Variants in FOXJ2 observed in about 807,000 individuals in gnomAD.
FOXJ2 encodes the protein forkhead box J2.
A neutral mutation model predicts 68.4 loss-of-function variants in FOXJ2; 18 were observed. That is an observed-to-expected ratio of 0.26 (90% CI 0.18 to 0.39). The LOEUF (loss-of-function observed/expected upper bound fraction) is 0.39. FOXJ2 is among the 10% of genes least tolerant of loss of function. The pLI, the probability that FOXJ2 is intolerant of heterozygous loss-of-function variation, is 1.00. For synonymous variants in FOXJ2, 274 were observed against 263.2 expected (o/e 1.04, Z -0.40); for missense variants, 670 against 726.5 (o/e 0.92, Z 0.89).
At chr12:8,052,421 T>C (rs928859455) in intron 10 of FOXJ2, among the ~76,000 whole-genome samples, 1 of 152,294 alleles carries the variant, frequency 6.6e-6, no homozygotes, top group East Asian at 1.9e-4. Flanking sequence ...GGTTTCTCCA[T>C]GTTGGCCAGG....
Position 8,035,603 on chromosome 12 carries a change from G to T in FOXJ2, c.-15+1770G>T, listed in dbSNP as rs563766679. 6.6e-6 allele frequency among the ~76,000 whole-genome samples: 1 copy of T among 152,128 alleles called. No individual in the cohort carries two copies. Among genetic ancestry groups the T allele is most frequent in the Admixed American group, 6.5e-5 (1 of 15,278 alleles). Reference sequence around the variant, plus strand: ...ATAAAGTACTTCACCAGATGCTGGCGTGCACCTGCCTGAATGGCTCAGGGT... The same window carrying T: ...ATAAAGTACTTCACCAGATGCTGGCTTGCACCTGCCTGAATGGCTCAGGGT... On this transcript the variant is annotated intron_variant, in intron 1 of 10. Transcript: ENST00000162391. This position sits in a 1 kb window ranked among gnomAD's most constrained non-coding sequence, Gnocchi z 4.0.
At chr12:8,049,022 G>A (rs1018187300) in intron 8 of FOXJ2, among the ~76,000 whole-genome samples, 3 of 152,158 alleles carry the variant, frequency 2.0e-5, no homozygotes, top group African/African-American at 7.2e-5. Flanking sequence ...AGTCCATTCT[G>A]TCTTTGGGAG....
rs1284522369 is a variant in FOXJ2, at chr12:8,035,952, G to T, written c.-15+2119G>T. Among the ~76,000 whole-genome samples the T allele has an allele frequency of 1.3e-5, 2 of 152,182 alleles. No individual in the cohort carries two copies. Among genetic ancestry groups the T allele is most frequent in the Admixed American group, 1.3e-4 (2 of 15,274 alleles). ...TGACATCCTGAAAACCATTGCAGAT[G>T]CAGTGCAGGCTTTGTAATGCAAACC... On this transcript the variant is annotated intron_variant, in intron 1 of 10. Transcript: ENST00000162391. The surrounding 1 kb of genome is among the most constrained non-coding windows in gnomAD (Gnocchi z 4.0).
intron 9 of FOXJ2, chr12:8,050,114 G>T: frequency 5.3e-6 from 1 of 187,050 alleles, no homozygotes; most frequent in South Asian, 1.3e-4. Context: ...GGGACTACAG[G>T]TGTGTACCAC....
chr12:8,051,802 C>G lies in FOXJ2; in HGVS notation c.1637-960C>G, dbSNP rs78989833. On this transcript the variant is annotated intron_variant, in intron 10 of 10. Coordinates refer to ENST00000162391, the MANE Select transcript of FOXJ2 (RefSeq NM_018416.3). ...TTTTGGGGGTGACATCTGACTCTCTCTATTCTTTGTCCATATAATATAAAT... is the reference window on the plus strand; with the variant it reads ...TTTTGGGGGTGACATCTGACTCTCTGTATTCTTTGTCCATATAATATAAAT... Among the ~76,000 whole-genome samples the G allele has an allele frequency of 6.3e-3, 953 of 152,276 alleles. 12 individuals are homozygous for G. Among genetic ancestry groups the G allele is most frequent in the African/African-American group, 0.021 (876 of 41,574 alleles).
intron 6 of FOXJ2, among the ~76,000 whole-genome samples, chr12:8,045,618 C>T (rs1947026730): frequency 6.6e-6 from 1 of 152,122 alleles, no homozygotes; most frequent in African/African-American, 2.4e-5. Context: ...TTCCAAAGTG[C>T]TGGGATTACA....
intron 6 of FOXJ2, among the ~76,000 whole-genome samples, chr12:8,047,492 A>G (rs1165897228): frequency 6.6e-6 from 1 of 151,862 alleles, no homozygotes; most frequent in Non-Finnish European, 1.5e-5. Context: ...TAGACAACTG[A>G]TGGCTTTGTT....
chr12:8,036,545 G>A (rs958384277), intron 1 of FOXJ2, among the ~76,000 whole-genome samples: 1 of 146,342 alleles, frequency 6.8e-6, no homozygotes, highest in East Asian at 1.9e-4. Flanking sequence ...TTCTGCCCAA[G>A]CCCCGTGGCA....
chr12:8,051,090 C>G (rs1947118766), intron 10 of FOXJ2, among the ~76,000 whole-genome samples: 1 of 117,792 alleles, frequency 8.5e-6, no homozygotes, highest in Admixed American at 8.7e-5. Context: ...TTCCCTTTCC[C>G]TTCCCTTCCC....
At chr12:8,042,614 C>G in intron 2 of FOXJ2, 44 bp from the exon 3 acceptor site, 2 of 1,523,382 alleles carry the variant, frequency 1.3e-6, no homozygotes, top group Non-Finnish European at 1.8e-6. Flanking sequence ...AAATGTTCTG[C>G]TCTGCATAAT....
Position 8,033,161 on chromosome 12 carries a change from G to A in FOXJ2, c.-687G>A. On this transcript the variant is annotated 5_prime_UTR_variant, in exon 1 of 11. Transcript: ENST00000162391. ...GGCCGGGGAGGAGACCCCCAGAAGT[G>A]GAAAGAAGGGAGCTTTCCGTAGGGA... 1 of 321,056 alleles carries A rather than the reference G, an allele frequency of 3.1e-6. No homozygotes were observed. The allele number at this position is 321,056 out of a possible 1,614,324, so 19.9% of individuals were successfully genotyped here.
Position 8,033,307 on chromosome 12 carries a change from C to T in FOXJ2, c.-541C>T, listed in dbSNP as rs185882887. 6.3e-6 allele frequency: 1 copy of T among 159,398 alleles called. No individual in the cohort carries two copies. The highest frequency in any genetic ancestry group is 1.4e-5 in the Non-Finnish European group (1 of 73,144). 9.9% of individuals were successfully genotyped at this position (159,398 alleles called of 1,614,324 possible). ...TGTGGAGTAGGCACCCTCGGCCCAC[C>T]ACTATTCACAGGAGACAGGAGTCCT... On this transcript the variant is annotated 5_prime_UTR_variant, in exon 1 of 11. Coordinates refer to ENST00000162391, the MANE Select transcript of FOXJ2 (RefSeq NM_018416.3).
At position 8,033,378 on chromosome 12, in the gene FOXJ2, G is replaced by T. The variant is rs969015745; in HGVS notation, c.-470G>T. ...GGGAAAGAAGAGGAATCGGCTTTCA[G>T]CCTTCTGGAGAGGGGAAGACCTCCC... is the stretch of plus-strand genomic sequence containing the variant. On this transcript the variant is annotated 5_prime_UTR_variant, in exon 1 of 11. Transcript: ENST00000162391. 1 of 153,130 alleles carries T rather than the reference G, an allele frequency of 6.5e-6. No individual in the cohort carries two copies. The highest frequency in any genetic ancestry group is 2.4e-5 in the African/African-American group (1 of 41,486). The allele number at this position is 153,130 out of a possible 1,614,324, so 9.5% of individuals were successfully genotyped here. A position where few individuals can be genotyped will look rare whatever the true frequency, so the allele number is the denominator to read the frequency against.
intron 6 of FOXJ2, among the ~76,000 whole-genome samples, chr12:8,046,544 A>C (rs1315295320): frequency 6.6e-6 from 1 of 152,242 alleles, no homozygotes; most frequent in Non-Finnish European, 1.5e-5. Context: ...TTGATAATAC[A>C]TCCTTAATAT....
At position 8,043,984 on chromosome 12, in the gene FOXJ2, A is replaced by G; in HGVS notation, c.511A>G (p.Lys171Glu). Residue 171 changes from lysine to glutamate, a missense_variant, in exon 5 of 11, where the codon AAG (lysine) becomes GAG (glutamate). This residue lies in a region of FOXJ2 where 555 missense variants were observed against 562.2 expected (regional missense o/e 0.99). Coordinates refer to ENST00000162391, the MANE Select transcript of FOXJ2 (RefSeq NM_018416.3). Reference sequence around the variant, plus strand: ...AGACTCACCAGAACAGGAGGCAAGCAAGAGCCCACGGGGAGGCGTTGCAGG... The same window carrying G: ...AGACTCACCAGAACAGGAGGCAAGCGAGAGCCCACGGGGAGGCGTTGCAGG... The part of the protein sequence containing the change: ...SQDSPEQEAS[K>E]SPRGGVAGSG... 1 of 1,572,782 alleles carries G rather than the reference A, an allele frequency of 6.4e-7. No individual in the cohort carries two copies. The highest frequency in any genetic ancestry group is 8.6e-7 in the Non-Finnish European group (1 of 1,162,910).
In FOXJ2 at chr12:8,038,579, A is replaced by T. The variant is rs1946925895; in HGVS notation, c.-14-1240A>T. On this transcript the variant is annotated intron_variant, in intron 1 of 10. Transcript: ENST00000162391. This position sits in a 1 kb window ranked among gnomAD's most constrained non-coding sequence, Gnocchi z 5.3. ...GCGGCTGTGCAGGCACAAACCTGCT[A>T]GGCAGCAAGTGCTTAGGGGGTTGCT... is the stretch of plus-strand genomic sequence containing the variant. 6.6e-6 allele frequency among the ~76,000 whole-genome samples: 1 copy of T among 152,182 alleles called. No homozygotes were observed. The highest frequency in any genetic ancestry group is 6.5e-5 in the Admixed American group (1 of 15,286).
At chr12:8,037,430 C>CTAGGGTAAGGG (rs1196800827) in intron 1 of FOXJ2, among the ~76,000 whole-genome samples, 10 of 152,098 alleles carry the variant, frequency 6.6e-5, no homozygotes, top group Non-Finnish European at 1.3e-4. Flanking sequence ...TAACCTGGTG[C>CTAGGGTAAGGG]TAGGGTAAGG....
chr12:8,049,481 C>T lies in FOXJ2; in HGVS notation c.1447C>T (p.Gln483Ter). ...FLTQTGHVPP[Q>*]GGTHRPPAPA... Reference sequence around the variant, plus strand: ...TACTCAGACTGGTCACGTGCCCCCTCAAGGGGGTACCCACCGCCCACCAGC... The same window carrying T: ...TACTCAGACTGGTCACGTGCCCCCTTAAGGGGGTACCCACCGCCCACCAGC... The change falls in exon 9 of 11, where the codon CAA (glutamine) becomes TAA (stop). Residue 483 changes from glutamine to a stop codon, truncating the protein, a stop_gained. Transcript: ENST00000162391. LOFTEE classifies it high-confidence loss of function. 6.2e-7 allele frequency: 1 copy of T among 1,614,118 alleles called. No individual in the cohort carries two copies. The highest frequency in any genetic ancestry group is 8.5e-7 in the Non-Finnish European group (1 of 1,179,992).
At chr12:8,036,572 G>C (rs186436717) in intron 1 of FOXJ2, among the ~76,000 whole-genome samples, 11 of 152,276 alleles carry the variant, frequency 7.2e-5, no homozygotes, top group Non-Finnish European at 1.6e-4. Context: ...CCTGGAGAGA[G>C]AGGTCTGGGT....
Sources: gnomAD v4.1 joint callset for allele counts (sites outside exome capture counted in the v4.1 genomes callset) on GRCh38, gnomAD v4.1.1 for gene constraint, gnomAD v4.1.1 regional missense constraint, Gnocchi (gnomAD v3.1) non-coding constraint, MANE v1.5 for transcripts, NCBI Gene and HGNC (gene_info 2026-07-23, HGNC 2026-07-21) for gene names.